Variants in TRPC5 observed in about 807,000 individuals in gnomAD.
TRPC5 encodes the protein short transient receptor potential channel 5.
A neutral mutation model predicts 56.5 loss-of-function variants in TRPC5; 9 were observed. The observed-to-expected ratio is 0.16, with a 90% confidence interval of 0.10 to 0.28. TRPC5 has a LOEUF of 0.28. TRPC5 is among the 10% of genes least tolerant of loss of function. TRPC5 has a pLI of 1.00. For missense variants in TRPC5, 469 were observed against 748.9 expected (o/e 0.63, Z 4.36); for synonymous variants, 282 against 278.5 (o/e 1.01, Z -0.13).
chrX:111,935,392 G>A (rs1484074076), intron 2 of TRPC5, among the ~76,000 whole-genome samples: 1 of 111,574 alleles, frequency 9.0e-6, no homozygotes, highest in African/African-American at 3.3e-5. Context: ...TGAATAGTGT[G>A]CAAATATTTT....
At chrX:111,831,614 T>C (rs141034992) in intron 7 of TRPC5, among the ~76,000 whole-genome samples, 3 of 112,049 alleles carry the variant, frequency 2.7e-5, no homozygotes, top group African/African-American at 9.7e-5. Context: ...TTATGTATAT[T>C]TGGACTCTCC....
At chrX:111,934,062 T>TC (rs1926494901) in intron 2 of TRPC5, among the ~76,000 whole-genome samples, 1 of 110,552 alleles carries the variant, frequency 9.0e-6, no homozygotes, top group African/African-American at 3.3e-5. Flanking sequence ...AAATATTTTC[T>TC]CCTACGCTTT....
chrX:111,916,198 G>A (rs1925971741), intron 2 of TRPC5, among the ~76,000 whole-genome samples: 1 of 111,405 alleles, frequency 9.0e-6, no homozygotes, highest in African/African-American at 3.3e-5. Context: ...CCACAATTTG[G>A]GTCAATATGA....
intron 7 of TRPC5, among the ~76,000 whole-genome samples, chrX:111,799,499 A>G (rs1012918550): frequency 5.4e-5 from 6 of 111,410 alleles, no homozygotes; most frequent in Middle Eastern, 4.6e-3. Flanking sequence ...AGGGGGCCAT[A>G]AGGACTTTTA....
rs1326968442 is a variant in TRPC5, at chrX:111,771,033, G to T, written c.*5280C>A. On this transcript the variant is annotated 3_prime_UTR_variant, in exon 11 of 11. Transcript: ENST00000262839. ...GAAAAATGGTGAAAATGACCTTCAC[G>T]TTGCAAGTCATTCTAACCTACTTCA... 8.9e-6 allele frequency among the ~76,000 whole-genome samples: 1 copy of T among 111,817 alleles called. No homozygotes were observed. The highest frequency in any genetic ancestry group is 1.9e-5 in the Non-Finnish European group (1 of 53,156).
chrX:111,811,135 T>C (rs1375881808), intron 7 of TRPC5, among the ~76,000 whole-genome samples: 3 of 112,187 alleles, frequency 2.7e-5, no homozygotes, highest in African/African-American at 9.7e-5. Flanking sequence ...AAGAAGTTGC[T>C]ATAGTATTCA....
At chrX:111,831,276 A>G (rs1181974458) in intron 7 of TRPC5, among the ~76,000 whole-genome samples, 1 of 112,454 alleles carries the variant, frequency 8.9e-6, no homozygotes, top group East Asian at 2.8e-4. Flanking sequence ...TAGCCATATC[A>G]GTGCATAGCA....
rs1200141651 is a variant in TRPC5, at chrX:111,992,325, C to T, written c.-21-39884G>A. Among the ~76,000 whole-genome samples, 4 of 111,920 alleles carry T rather than the reference C, an allele frequency of 3.6e-5. No homozygotes were observed. The East Asian group carries it at 8.4e-4, about 24-fold the overall frequency. ...ATGTCAAAACATATCAAGTTGCACA[C>T]TTTAAATATTTTTACTGCATTTCAA... On this transcript the variant is annotated intron_variant, in intron 1 of 10. Transcript: ENST00000262839.
intron 6 of TRPC5, among the ~76,000 whole-genome samples, chrX:111,843,372 G>A (rs1372066435): frequency 1.8e-5 from 2 of 111,958 alleles, no homozygotes; most frequent in Non-Finnish European, 3.8e-5. Context: ...TGGGAAACAT[G>A]CATTCTAGAA....
intron 7 of TRPC5, among the ~76,000 whole-genome samples, chrX:111,796,939 G>T (rs183840881): frequency 1.2e-3 from 133 of 111,935 alleles, no homozygotes; most frequent in African/African-American, 4.0e-3. Flanking sequence ...GTTGCCTTAG[G>T]CTGCTGTGCT....
At chrX:111,977,326 C>T (rs1432211932) in intron 1 of TRPC5, among the ~76,000 whole-genome samples, 1 of 111,269 alleles carries the variant, frequency 9.0e-6, no homozygotes, top group Non-Finnish European at 1.9e-5. Context: ...AAAATAAACG[C>T]ACACATTTAT....
chrX:112,059,528 T>C (rs1264367254), intron 1 of TRPC5, among the ~76,000 whole-genome samples: 1 of 112,098 alleles, frequency 8.9e-6, no homozygotes, highest in Non-Finnish European at 1.9e-5. Flanking sequence ...CAAGGTTGTT[T>C]TCTGGAGCTT....
At chrX:112,023,246 G>GTTTTTTTTTTT (rs1163231468) in intron 1 of TRPC5, among the ~76,000 whole-genome samples, 3 of 56,678 alleles carry the variant, frequency 5.3e-5, no homozygotes, top group Non-Finnish European at 9.5e-5. Context: ...TTTTTTTTTT[G>GTTTTTTTTTTT]TTTTTTTTTT....
intron 7 of TRPC5, among the ~76,000 whole-genome samples, chrX:111,825,174 T>C (rs867923584): frequency 0.013 from 1,045 of 81,638 alleles, 51 homozygotes; most frequent in African/African-American, 0.051. Context: ...TTTCTTTCTT[T>C]CTTTCTTTCT....
intron 1 of TRPC5, among the ~76,000 whole-genome samples, chrX:112,030,321 T>G (rs1929554471): frequency 8.9e-6 from 1 of 112,582 alleles, no homozygotes; most frequent in African/African-American, 3.2e-5. Context: ...AAATGAGAAC[T>G]CTAAGCCTCG....
intron 3 of TRPC5, among the ~76,000 whole-genome samples, chrX:111,854,860 GA>G (rs1923179764): frequency 8.9e-6 from 1 of 111,939 alleles, no homozygotes; most frequent in African/African-American, 3.2e-5. Context: ...CATGCAAAAG[GA>G]AAAAATATTT....
At chrX:111,822,905 G>A (rs761330066) in intron 7 of TRPC5, among the ~76,000 whole-genome samples, 1 of 111,251 alleles carries the variant, frequency 9.0e-6, no homozygotes, top group Non-Finnish European at 1.9e-5. Context: ...TGATGTTCCC[G>A]ATGAACATCC....
rs747641543 is a variant in TRPC5, at chrX:111,912,805, G to C, written c.386C>G (p.Thr129Ser). Residue 129 changes from threonine to serine, a missense_variant, in exon 3 of 11, where the codon ACT becomes AGT. Around this residue, in one of 3 missense-constraint regions of TRPC5, gnomAD observed 118 missense variants for 167.1 expected, o/e 0.71. Transcript: ENST00000262839. ...RRPSGEKQVP[T>S]LMMDTQFSEF... is the part of the protein sequence containing the mutation. ...AGAGAACTGCGTGTCCATCATCAGA[G>C]TGGGGACCTAGGTACAAGAAATGAG... The C allele has an allele frequency of 5.0e-6, 6 of 1,194,503 alleles. No homozygotes were observed. The highest frequency in any genetic ancestry group is 3.5e-5 in the African/African-American group (2 of 56,875).
At chrX:112,030,926 G>C (rs1929571162) in intron 1 of TRPC5, among the ~76,000 whole-genome samples, 1 of 111,297 alleles carries the variant, frequency 9.0e-6, no homozygotes, top group African/African-American at 3.3e-5. Flanking sequence ...TCCTTACAAG[G>C]ATCCTGCAGG....
Sources: allele counts gnomAD v4.1 joint callset (sites outside exome capture counted in the v4.1 genomes callset), GRCh38; gene constraint gnomAD v4.1.1; regional missense constraint gnomAD v4.1.1; transcripts MANE v1.5; gene names NCBI Gene and HGNC (gene_info 2026-07-23, HGNC 2026-07-21).